Variants in TGFB2 observed in about 807,000 individuals in gnomAD.
TGFB2 encodes transforming growth factor beta-2 proprotein.
TGFB2 carries 13 observed loss-of-function variants against 42.7 expected under a neutral mutation model. The observed-to-expected ratio is 0.30, with a 90% CI of 0.20 to 0.48. TGFB2 has a LOEUF of 0.48. TGFB2 is among the 20% of genes least tolerant of loss of function. The probability of loss-of-function intolerance (pLI) is 0.99; values close to 1 mark genes in which losing one functional copy is unlikely to be tolerated. For synonymous variants in TGFB2, 193 were observed against 193.6 expected (o/e 1.00, Z 0.03); for missense variants, 390 against 517.5 (o/e 0.75, Z 2.39).
At position 218,441,648 on chromosome 1, in the gene TGFB2, T is replaced by C. The variant is rs909187506; in HGVS notation, c.*286T>C. 3.6e-5 allele frequency: 9 copies of C among 250,222 alleles called. No homozygotes were observed. The highest frequency in any genetic ancestry group is 1.8e-4 in the African/African-American group (8 of 43,972). The allele number at this position is 250,222 out of a possible 1,614,324, so 15.5% of individuals were successfully genotyped here. On this transcript the variant is annotated 3_prime_UTR_variant, in exon 7 of 7. Coordinates refer to ENST00000366930, the MANE Select transcript of TGFB2 (RefSeq NM_003238.6). ...TTTTTTTAAAGAAAAAAATAAACAC[T>C]GGAAGAATTTATTAGTGTTAATTAT... is the stretch of plus-strand genomic sequence containing the variant.
chr1:218,374,591 T>C (rs1189942487), intron 1 of TGFB2, among the ~76,000 whole-genome samples: 2 of 152,182 alleles, frequency 1.3e-5, no homozygotes, highest in South Asian at 4.1e-4. Flanking sequence ...ATCACAAGCT[T>C]CCGTTTATAT....
At chr1:218,422,788 C>T (rs1659500478) in intron 2 of TGFB2, among the ~76,000 whole-genome samples, 1 of 151,966 alleles carries the variant, frequency 6.6e-6, no homozygotes, top group Non-Finnish European at 1.5e-5. Flanking sequence ...TCTTATTATC[C>T]TGGGGTATAC....
At chr1:218,388,607 G>T (rs142202512) in intron 1 of TGFB2, among the ~76,000 whole-genome samples, 2 of 152,262 alleles carry the variant, frequency 1.3e-5, no homozygotes, top group African/African-American at 4.8e-5. Context: ...CATTCCCAAA[G>T]TACCATTTCC....
chr1:218,394,720 G>A (rs576356578), intron 1 of TGFB2, among the ~76,000 whole-genome samples: 4 of 152,176 alleles, frequency 2.6e-5, no homozygotes, highest in Admixed American at 6.5e-5. Context: ...AGAAACCACC[G>A]CTGATGCGCT....
At chr1:218,428,493 A>G (rs989999225) in intron 2 of TGFB2, among the ~76,000 whole-genome samples, 1 of 152,162 alleles carries the variant, frequency 6.6e-6, no homozygotes, top group African/African-American at 2.4e-5. Context: ...TCTTTAATCC[A>G]TCTTGAATTA....
intron 1 of TGFB2, among the ~76,000 whole-genome samples, chr1:218,399,733 G>C (rs1300667480): frequency 6.6e-6 from 1 of 152,026 alleles, no homozygotes; most frequent in African/African-American, 2.4e-5. Context: ...AACTGCCCCA[G>C]GACACTTAGC....
chr1:218,416,169 A>T (rs1040986618), intron 2 of TGFB2, among the ~76,000 whole-genome samples: 6 of 152,078 alleles, frequency 3.9e-5, no homozygotes, highest in African/African-American at 1.4e-4. Context: ...GAGTGATTAC[A>T]ATGACTGACT....
chr1:218,418,843 G>A (rs953991917), intron 2 of TGFB2, among the ~76,000 whole-genome samples: 12 of 152,166 alleles, frequency 7.9e-5, no homozygotes, highest in Non-Finnish European at 1.2e-4. Flanking sequence ...CTGCTGCCAT[G>A]CACTTAAGAT....
intron 2 of TGFB2, among the ~76,000 whole-genome samples, chr1:218,411,100 A>G (rs2102601023): frequency 6.6e-6 from 1 of 152,316 alleles, no homozygotes; most frequent in Non-Finnish European, 1.5e-5. Context: ...GGAGCTCTCC[A>G]GTATTTCTAG....
Position 218,441,611 on chromosome 1 carries a change from CAAG to C in TGFB2, c.*253_*255del. ...TCACCTACTTTGTAAGTGAGAGAGA[CAAG>C]AAGCAAATTTTTTTTAAAGAAAAAA... is the stretch of plus-strand genomic sequence containing the variant. On this transcript the variant is annotated 3_prime_UTR_variant, in exon 7 of 7. Coordinates refer to ENST00000366930, the MANE Select transcript of TGFB2 (RefSeq NM_003238.6). The C allele has an allele frequency of 3.1e-6, 1 of 325,566 alleles. No individual in the cohort carries two copies. Among genetic ancestry groups the C allele is most frequent in the Non-Finnish European group, 5.5e-6 (1 of 180,792 alleles). 20.2% of individuals were successfully genotyped at this position (325,566 alleles called of 1,614,324 possible). A position where few individuals can be genotyped will look rare whatever the true frequency, so the allele number is the denominator to read the frequency against.
intron 1 of TGFB2, among the ~76,000 whole-genome samples, chr1:218,368,023 G>C (rs1329546526): frequency 6.6e-6 from 1 of 152,076 alleles, no homozygotes; most frequent in Non-Finnish European, 1.5e-5. Context: ...GTATGGTCTC[G>C]ATCTCTTGAC....
intron 1 of TGFB2, among the ~76,000 whole-genome samples, chr1:218,389,774 AT>A (rs1015932166): frequency 6.6e-6 from 1 of 152,142 alleles, no homozygotes; most frequent in African/African-American, 2.4e-5. Flanking sequence ...AGAAGTCACT[AT>A]TTTTTCACTT....
At chr1:218,379,487 C>CTTTTTTTTTT (rs59224313) in intron 1 of TGFB2, among the ~76,000 whole-genome samples, 5 of 133,386 alleles carry the variant, frequency 3.7e-5, no homozygotes, top group African/African-American at 8.3e-5. Context: ...TTCTTTCTTT[C>CTTTTTTTTTT]TTTTTTTTTT....
At chr1:218,437,053 G>A (rs1659993060) in intron 5 of TGFB2, among the ~76,000 whole-genome samples, 1 of 152,172 alleles carries the variant, frequency 6.6e-6, no homozygotes, top group South Asian at 2.1e-4. Flanking sequence ...CTTATATCTG[G>A]TCATCTGAAG....
At chr1:218,440,352 T>A (rs1660112791) in intron 6 of TGFB2, among the ~76,000 whole-genome samples, 1 of 152,172 alleles carries the variant, frequency 6.6e-6, no homozygotes, top group South Asian at 2.1e-4. Flanking sequence ...AGGCTTTTTT[T>A]TTTTTAATGA....
At chr1:218,367,761 T>C (rs1440306208) in intron 1 of TGFB2, among the ~76,000 whole-genome samples, 2 of 152,190 alleles carry the variant, frequency 1.3e-5, no homozygotes, top group Non-Finnish European at 2.9e-5. Flanking sequence ...TGTAGAGACC[T>C]TTGGAAGAGA....
At position 218,431,964 on chromosome 1, in the gene TGFB2, C is replaced by A. The variant is rs181245737; in HGVS notation, c.511-2118C>A. ...AAAGCTGTAGCTTTATGCCAACATT[C>A]ATTGTGTATACGTTCCACTATCTTA... On this transcript the variant is annotated intron_variant, in intron 2 of 6. Coordinates refer to ENST00000366930, the MANE Select transcript of TGFB2 (RefSeq NM_003238.6). 5.3e-5 allele frequency among the ~76,000 whole-genome samples: 8 copies of A among 152,324 alleles called. No homozygotes were observed. In the East Asian group the frequency reaches 1.3e-3, roughly 26 times the overall value.
intron 1 of TGFB2, among the ~76,000 whole-genome samples, chr1:218,361,510 G>A (rs1047833884): frequency 1.3e-5 from 2 of 152,042 alleles, no homozygotes; most frequent in East Asian, 1.9e-4. Flanking sequence ...TCTGCACCAC[G>A]GCGTACACTG....
intron 1 of TGFB2, among the ~76,000 whole-genome samples, chr1:218,379,342 G>A (rs959572317): frequency 6.6e-6 from 1 of 151,688 alleles, no homozygotes; most frequent in South Asian, 2.1e-4. Context: ...ACCGTGGTTC[G>A]CCAGGATGGC....
Sources: gnomAD v4.1 joint callset for allele counts (sites outside exome capture counted in the v4.1 genomes callset) on GRCh38, gnomAD v4.1.1 for gene constraint, MANE v1.5 for transcripts, NCBI Gene and HGNC (gene_info 2026-07-23, HGNC 2026-07-21) for gene names.